The following AKAP13 variants were observed in gnomAD, a reference collection of about 807,000 sequenced individuals.
AKAP13 encodes A-kinase anchor protein 13.
A neutral mutation model predicts 264.5 loss-of-function variants in AKAP13; 80 were observed. The ratio of observed to expected loss-of-function variants is 0.30; its 90% confidence interval spans 0.25 to 0.36. The LOEUF (loss-of-function observed/expected upper bound fraction) is 0.36. AKAP13 is among the 10% of genes least tolerant of loss of function. AKAP13 has a pLI of 1.00. For missense variants in AKAP13, 3,712 were observed against 3,435.2 expected (o/e 1.08, Z -2.01); for synonymous variants, 1,380 against 1,250.2 (o/e 1.10, Z -2.19).
At chr15:85,511,476 AC>A (rs2076417754) in intron 2 of AKAP13, among the ~76,000 whole-genome samples, 1 of 152,238 alleles carries the variant, frequency 6.6e-6, no homozygotes. Context: ...CCCTGCTGAT[AC>A]ATGAAACTTA....
At chr15:85,482,919 G>T (rs533957962) in intron 1 of AKAP13, among the ~76,000 whole-genome samples, 1 of 152,184 alleles carries the variant, frequency 6.6e-6, no homozygotes, top group Non-Finnish European at 1.5e-5. Context: ...AGCAGCCTGT[G>T]TTGCCAGCAT....
chr15:85,432,444 G>A (rs2073065942), intron 1 of AKAP13, among the ~76,000 whole-genome samples: 1 of 152,014 alleles, frequency 6.6e-6, no homozygotes, highest in South Asian at 2.1e-4. Context: ...AAATACGGGA[G>A]AATTCTACTG....
chr15:85,426,979 G>A (rs1379287313), intron 1 of AKAP13, among the ~76,000 whole-genome samples: 2 of 127,258 alleles, frequency 1.6e-5, no homozygotes, highest in Admixed American at 9.0e-5. Context: ...TTTTGGGGAC[G>A]GAGTCTCACA....
Position 85,655,537 on chromosome 15 carries a change from C to T in AKAP13, c.4495C>T (p.Pro1499Ser). ...TGTGTCTCTCTCCCAGATTTTAAAG[C>T]CAAACAGGTCAAGAGATCGGCAAAG... ...SDVSLSQILK[P>S]NRSRDRQSLD... The change falls in exon 11 of 37, where the codon CCA becomes TCA. Residue 1499 changes from proline (P) to serine (S), a missense_variant. Coordinates refer to ENST00000394518, the MANE Select transcript of AKAP13 (RefSeq NM_007200.5). 1 of 1,614,160 alleles carries T rather than the reference C, an allele frequency of 6.2e-7. No homozygotes were observed. Among genetic ancestry groups the T allele is most frequent in the Non-Finnish European group, 8.5e-7 (1 of 1,180,030 alleles).
chr15:85,613,955 T>G (rs781475787), intron 8 of AKAP13, among the ~76,000 whole-genome samples: 5 of 152,036 alleles, frequency 3.3e-5, no homozygotes, highest in Admixed American at 3.3e-4. Context: ...AAAGTAGGTT[T>G]TAAAACAAAA....
chr15:85,740,995 T>G, intron 34 of AKAP13, 51 bp from the exon 35 acceptor site: 2 of 1,549,552 alleles, frequency 1.3e-6, no homozygotes, highest in Non-Finnish European at 1.7e-6. Flanking sequence ...ATCCAGAAGC[T>G]CGCTGTCGTC....
At chr15:85,591,513 T>C (rs2079578694) in intron 8 of AKAP13, among the ~76,000 whole-genome samples, 1 of 152,196 alleles carries the variant, frequency 6.6e-6, no homozygotes, top group Admixed American at 6.5e-5. Context: ...TTCTCCAAAA[T>C]GCTTGCTTTT....
chr15:85,564,000 A>G (rs1359545472), intron 5 of AKAP13, among the ~76,000 whole-genome samples: 1 of 152,210 alleles, frequency 6.6e-6, no homozygotes, highest in Non-Finnish European at 1.5e-5. Context: ...CCTTGAACAA[A>G]TATGTTAATA....
chr15:85,743,964 G>C, intron 36 of AKAP13, 139 bp downstream of exon 36: 1 of 983,110 alleles, frequency 1.0e-6, no homozygotes, highest in Non-Finnish European at 1.5e-6. Flanking sequence ...CTTTTCACCA[G>C]CTCCGCTTGC....
In AKAP13 at chr15:85,735,079, G is replaced by C. The variant is rs755354549; in HGVS notation, c.7370G>C (p.Gly2457Ala). ...AGCCCCATTGAGCAAGATGTGGTCG[G>C]TCCCGTTTCCCTGCCCCGGAGAGCA... ...VSSPIEQDVV[G>A]PVSLPRRAET... Residue 2457 changes from glycine (G) to alanine (A), a missense_variant, in exon 31 of 37, where the codon GGT becomes GCT. This residue lies in a region of AKAP13 where 611 missense variants were observed against 539.3 expected (regional missense o/e 1.13). Coordinates refer to ENST00000394518, the MANE Select transcript of AKAP13 (RefSeq NM_007200.5). The C allele has an allele frequency of 5.6e-6, 9 of 1,614,246 alleles. No homozygotes were observed. Among genetic ancestry groups the C allele is most frequent in the Non-Finnish European group, 7.6e-6 (9 of 1,180,040 alleles).
At chr15:85,484,152 G>A (rs1458772262) in intron 1 of AKAP13, among the ~76,000 whole-genome samples, 1 of 152,180 alleles carries the variant, frequency 6.6e-6, no homozygotes, top group East Asian at 1.9e-4. Flanking sequence ...TAAAAGGCCA[G>A]TGAGCACAGT....
rs137858049 is a variant in AKAP13, at chr15:85,545,756, T to C, written c.662+1801T>C. ...AGTGTGAGAGTGATTCTAGTAGAAT[T>C]TGGTAGAATTTCAGTTGTTAAAGAA... is the stretch of plus-strand genomic sequence containing the variant. On this transcript the variant is annotated intron_variant, in intron 5 of 36. Transcript: ENST00000394518. Among the ~76,000 whole-genome samples the C allele has an allele frequency of 5.9e-5, 9 of 152,332 alleles. No individual in the cohort carries two copies. In the East Asian group the frequency reaches 1.3e-3, roughly 23 times the overall value.
intron 1 of AKAP13, among the ~76,000 whole-genome samples, chr15:85,402,453 G>A (rs1448653431): frequency 6.6e-6 from 1 of 152,188 alleles, no homozygotes; most frequent in Non-Finnish European, 1.5e-5. Flanking sequence ...AAATTTTACT[G>A]GCTGAATCAT....
At chr15:85,552,922 C>G (rs1396043271) in intron 5 of AKAP13, among the ~76,000 whole-genome samples, 2 of 151,990 alleles carry the variant, frequency 1.3e-5, no homozygotes, top group Non-Finnish European at 1.5e-5. Flanking sequence ...TAATTTTATT[C>G]TTATGTGAAT....
chr15:85,416,589 T>C (rs964855962), intron 1 of AKAP13, among the ~76,000 whole-genome samples: 9 of 152,212 alleles, frequency 5.9e-5, no homozygotes, highest in Non-Finnish European at 1.2e-4. Context: ...AACTAGTTTT[T>C]AGTGGGCAAA....
At chr15:85,639,124 C>T (rs2082192932) in intron 8 of AKAP13, among the ~76,000 whole-genome samples, 1 of 152,120 alleles carries the variant, frequency 6.6e-6, no homozygotes, top group African/African-American at 2.4e-5. Flanking sequence ...ACACTATGGC[C>T]TTCATCTTCG....
intron 1 of AKAP13, among the ~76,000 whole-genome samples, chr15:85,449,143 A>G (rs1206338923): frequency 6.6e-6 from 1 of 151,638 alleles, no homozygotes; most frequent in Non-Finnish European, 1.5e-5. Flanking sequence ...ATTCCTAGGT[A>G]TTTTATTTTA....
chr15:85,495,100 A>G (rs1014376816), intron 2 of AKAP13, among the ~76,000 whole-genome samples: 3 of 152,236 alleles, frequency 2.0e-5, no homozygotes, highest in African/African-American at 4.8e-5. Context: ...AGCCATCTCA[A>G]TAAAGTATAT....
At chr15:85,741,586 T>G in intron 35 of AKAP13, 91 bp downstream of exon 35, 1 of 1,446,296 alleles carries the variant, frequency 6.9e-7, no homozygotes, top group Middle Eastern at 1.8e-4. Flanking sequence ...AGCAGAAATA[T>G]AGAGCCTGTT....
Sources: allele counts gnomAD v4.1 joint callset (sites outside exome capture counted in the v4.1 genomes callset), GRCh38; gene constraint gnomAD v4.1.1; regional missense constraint gnomAD v4.1.1; transcripts MANE v1.5; gene names NCBI Gene and HGNC (gene_info 2026-07-23, HGNC 2026-07-21).